MYH13: variants seen among roughly 807,000 people sequenced by gnomAD.
MYH13 encodes the protein myosin-13.
Under a neutral mutation model 232.1 loss-of-function variants are expected in MYH13, and 177 were observed. The observed-to-expected ratio is 0.76, with a 90% CI of 0.67 to 0.86. The LOEUF is 0.86. Ranked by LOEUF, MYH13 falls within the 40% of genes least tolerant of loss-of-function variation. The probability of loss-of-function intolerance (pLI) is 0.00; values close to 1 mark genes in which losing one functional copy is unlikely to be tolerated. For synonymous variants in MYH13, 884 were observed against 923.5 expected (o/e 0.96, Z 0.78); for missense variants, 2,246 against 2,405.9 (o/e 0.93, Z 1.39).
At chr17:10,368,910 A>G (rs942075860) in intron 2 of MYH13, among the ~76,000 whole-genome samples, 1 of 152,202 alleles carries the variant, frequency 6.6e-6, no homozygotes, top group Non-Finnish European at 1.5e-5. Flanking sequence ...CATAATCTCT[A>G]TGGCTGGGAC....
At chr17:10,371,621 T>A (rs574550430) in intron 1 of MYH13, among the ~76,000 whole-genome samples, 3 of 152,228 alleles carry the variant, frequency 2.0e-5, no homozygotes, top group Non-Finnish European at 4.4e-5. Flanking sequence ...TGAACAGGAT[T>A]AAGACAAATT....
chr17:10,324,397 T>C lies in MYH13; in HGVS notation c.2692-133A>G, dbSNP rs190957837. 34 of 1,022,822 alleles carry C rather than the reference T, an allele frequency of 3.3e-5. No individual in the cohort carries two copies. The East Asian group carries it at 8.0e-4, about 24-fold the overall frequency. 63.4% of individuals were successfully genotyped at this position (1,022,822 alleles called of 1,614,324 possible). A position where few individuals can be genotyped will look rare whatever the true frequency, so the allele number is the denominator to read the frequency against. On this transcript the variant is annotated intron_variant, in intron 22 of 40. Coordinates refer to ENST00000252172, the MANE Select transcript of MYH13 (RefSeq NM_003802.3). ...GGTCATGCACACACATGCACGCACATGTGCACACACTGCACACACACGTGT... is the reference window on the plus strand; with the variant it reads ...GGTCATGCACACACATGCACGCACACGTGCACACACTGCACACACACGTGT...
At position 10,306,539 on chromosome 17, in the gene MYH13, C is replaced by T; in HGVS notation, c.5386G>A (p.Asp1796Asn). 1.2e-6 allele frequency: 2 copies of T among 1,614,110 alleles called. No homozygotes were observed. The highest frequency in any genetic ancestry group is 8.5e-7 in the Non-Finnish European group (1 of 1,180,012). Residue 1796 changes from aspartate to asparagine, a missense_variant, in exon 37 of 41, where the codon GAC becomes AAC. Physicochemically the swap from Asp to Asn is conservative, Grantham distance 23. Coordinates refer to ENST00000252172, the MANE Select transcript of MYH13 (RefSeq NM_003802.3). This position sits in a 1 kb window ranked among gnomAD's most constrained non-coding sequence, Gnocchi z 4.3. Reference protein sequence around the residue: ...MKKNLEQTVKDLQHRLDEAEQ... With the variant: ...MKKNLEQTVKNLQHRLDEAEQ... ...GCCTCATCTAGACGGTGCTGCAGGT[C>T]CTTCACCGTCTGCTCCAGGTTCTTC...
chr17:10,360,109 A>G, intron 6 of MYH13, 38 bp from the exon 7 acceptor site: 1 of 1,614,010 alleles, frequency 6.2e-7, no homozygotes, highest in Non-Finnish European at 8.5e-7. Context: ...AGGAGAGTGG[A>G]AGGGAGGGCA....
At position 10,306,082 on chromosome 17, in the gene MYH13, A is replaced by G. The variant is rs1401022545; in HGVS notation, c.5466+377T>C. 6.6e-6 allele frequency among the ~76,000 whole-genome samples: 1 copy of G among 152,192 alleles called. No individual in the cohort carries two copies. The highest frequency in any genetic ancestry group is 1.5e-5 in the Non-Finnish European group (1 of 68,038). On this transcript the variant is annotated intron_variant, in intron 37 of 40. Coordinates refer to ENST00000252172, the MANE Select transcript of MYH13 (RefSeq NM_003802.3). The surrounding 1 kb of genome is among the most constrained non-coding windows in gnomAD (Gnocchi z 4.3). ...AAAATGTAAATGCATCAAAATGAGT[A>G]ATTTTATGACTGTAGAGTATATGTT...
At chr17:10,325,580 G>A (rs769947190) in intron 22 of MYH13, among the ~76,000 whole-genome samples, 1 of 152,204 alleles carries the variant, frequency 6.6e-6, no homozygotes, top group Non-Finnish European at 1.5e-5. Context: ...GAATACATAT[G>A]TCCCAGAAGA....
At chr17:10,320,594 G>T in intron 24 of MYH13, 98 bp from the exon 25 acceptor site, 5 of 1,355,598 alleles carry the variant, frequency 3.7e-6, no homozygotes, top group Non-Finnish European at 5.0e-6. Context: ...GCTTCCTGGG[G>T]CTCCTGTAGG....
chr17:10,360,332 T>C lies in MYH13; in HGVS notation c.506-144A>G, dbSNP rs903864255. ...ACTGGTATGATTTGGGCATGTCTAATCTTCTTTGGGACAATTTAGGCAGAT... is the reference window on the plus strand; with the variant it reads ...ACTGGTATGATTTGGGCATGTCTAACCTTCTTTGGGACAATTTAGGCAGAT... On this transcript the variant is annotated intron_variant, in intron 5 of 40. Transcript: ENST00000252172. 3.0e-6 allele frequency: 3 copies of C among 999,198 alleles called. No homozygotes were observed. In the African/African-American group the frequency reaches 4.8e-5, roughly 16 times the overall value. 61.9% of individuals were successfully genotyped at this position (999,198 alleles called of 1,614,324 possible). A position where few individuals can be genotyped will look rare whatever the true frequency, so the allele number is the denominator to read the frequency against.
At chr17:10,339,520 G>T (rs2142254288) in intron 18 of MYH13, among the ~76,000 whole-genome samples, 1 of 152,312 alleles carries the variant, frequency 6.6e-6, no homozygotes, top group African/African-American at 2.4e-5. Context: ...AGTTGTTATT[G>T]ATGCTATTTT....
chr17:10,318,444 T>TA (rs1906795052), intron 27 of MYH13, among the ~76,000 whole-genome samples: 1 of 152,154 alleles, frequency 6.6e-6, no homozygotes, highest in Non-Finnish European at 1.5e-5. Context: ...TCACCCCTTC[T>TA]ACCACATGAG....
intron 32 of MYH13, among the ~76,000 whole-genome samples, 167 bp from the exon 33 acceptor site, chr17:10,311,394 C>A (rs1432730648): frequency 6.6e-6 from 1 of 152,166 alleles, no homozygotes; most frequent in East Asian, 1.9e-4. Context: ...TGTGTTGCCT[C>A]ACCTGCACTA....
In MYH13 at chr17:10,306,612, C is replaced by G; in HGVS notation, c.5313G>C (p.Glu1771Asp). Reference sequence around the variant, plus strand: ...TGGTGTCCTGTTCCTTCTTTAGCTCCTCAGCCATCATGGCAGCCTGGTTAA... The same window carrying G: ...TGGTGTCCTGTTCCTTCTTTAGCTCGTCAGCCATCATGGCAGCCTGGTTAA... ...KAITDAAMMA[E>D]ELKKEQDTSA... The change falls in exon 37 of 41, where the codon GAG (glutamate) becomes GAC (aspartate). Residue 1771 changes from glutamate to aspartate, a missense_variant. Coordinates refer to ENST00000252172, the MANE Select transcript of MYH13 (RefSeq NM_003802.3). The surrounding 1 kb of genome is among the most constrained non-coding windows in gnomAD (Gnocchi z 4.3). The G allele has an allele frequency of 6.2e-7, 1 of 1,614,100 alleles. No individual in the cohort carries two copies. Among genetic ancestry groups the G allele is most frequent in the Non-Finnish European group, 8.5e-7 (1 of 1,180,042 alleles).
chr17:10,324,251 AGAT>A lies in MYH13; in HGVS notation c.2702_2704del (p.Asn901_Leu902delinsMet). 2 of 1,613,262 alleles carry A rather than the reference AGAT, an allele frequency of 1.2e-6. No individual in the cohort carries two copies. Among genetic ancestry groups the A allele is most frequent in the East Asian group, 4.5e-5 (2 of 44,868 alleles). On this transcript the variant is annotated inframe_deletion, in exon 23 of 41. Coordinates refer to ENST00000252172, the MANE Select transcript of MYH13 (RefSeq NM_003802.3). ...TTCACACCGTTCCTCAGCGTCCATC[AGAT>A]TTTCTGTTTCCTGAAAGAACCAGGT...
rs781556558 is a variant in MYH13 at position 10,333,156 on chromosome 17, G to A, written c.2092C>T (p.Arg698Cys). Residue 698 changes from arginine to cysteine, a missense_variant, in exon 19 of 41, where the codon CGC becomes TGC. Transcript: ENST00000252172. ...ATGCCCTCGAGGACCCCGTTACAGCGCAGCTGGTGCATGACCAAGTAGTGG... is the reference window on the plus strand; with the variant it reads ...ATGCCCTCGAGGACCCCGTTACAGCACAGCTGGTGCATGACCAAGTAGTGG... ...MDHYLVMHQL[R>C]CNGVLEGIRI... 17 of 1,551,628 alleles carry A rather than the reference G, an allele frequency of 1.1e-5. No homozygotes were observed. The highest frequency in any genetic ancestry group is 2.0e-5 in the Admixed American group (1 of 51,022).
At position 10,319,065 on chromosome 17, in the gene MYH13, C is replaced by T. The variant is rs778124612; in HGVS notation, c.3463G>A (p.Glu1155Lys). ...RELEEISERLEEASGATSAQI... is the reference protein window; with the variant it reads ...RELEEISERLKEASGATSAQI... The stretch of plus-strand genomic sequence containing the variant: ...GCTGAAGTGGCCCCACTGGCTTCTT[C>T]CAGCCTCTCGCTGATCTCCTCCAGT... Residue 1155 changes from glutamate to lysine, a missense_variant, in exon 27 of 41, where the codon GAA becomes AAA. By Grantham distance (56) the Glu-to-Lys change is moderately conservative. Coordinates refer to ENST00000252172, the MANE Select transcript of MYH13 (RefSeq NM_003802.3). 15 of 1,614,186 alleles carry T rather than the reference C, an allele frequency of 9.3e-6. No individual in the cohort carries two copies. The highest frequency in any genetic ancestry group is 1.3e-5 in the Non-Finnish European group (15 of 1,180,048).
At chr17:10,318,240 T>G (rs1249026759) in intron 27 of MYH13, among the ~76,000 whole-genome samples, 3 of 152,162 alleles carry the variant, frequency 2.0e-5, no homozygotes, top group African/African-American at 7.2e-5. Flanking sequence ...GAAACAGTGG[T>G]GCCAGATCAT....
chr17:10,348,872 T>G (rs2071687951), intron 12 of MYH13, among the ~76,000 whole-genome samples: 1 of 152,110 alleles, frequency 6.6e-6, no homozygotes, highest in Non-Finnish European at 1.5e-5. Context: ...ATTGTTACTT[T>G]AAAATTCTCA....
chr17:10,303,541 C>T (rs1906178732), intron 37 of MYH13, 43 bp from the exon 38 acceptor site: 8 of 1,558,608 alleles, frequency 5.1e-6, no homozygotes, highest in Non-Finnish European at 7.1e-6. Context: ...TCTCCTCTCC[C>T]AGGCTTCTCT....
At position 10,345,217 on chromosome 17, in the gene MYH13, G is replaced by C; in HGVS notation, c.1569C>G (p.Ile523Met). The C allele has an allele frequency of 6.2e-7, 1 of 1,614,088 alleles. No homozygotes were observed. Among genetic ancestry groups the C allele is most frequent in the Non-Finnish European group, 8.5e-7 (1 of 1,179,984 alleles). The change falls in exon 15 of 41, where the codon ATC becomes ATG. Residue 523 changes from isoleucine to methionine, a missense_variant. Ile to Met is a conservative substitution (Grantham distance 10, BLOSUM62 1). Coordinates refer to ENST00000252172, the MANE Select transcript of MYH13 (RefSeq NM_003802.3). ...IDFGMDLAAC[I>M]ELIEKPMGIF... ...ATCTCTCTACCTTCTCGATGAGCTC[G>C]ATGCAGGCAGCCAGGTCCATTCCGA...
Sources: allele counts gnomAD v4.1 joint callset (sites outside exome capture counted in the v4.1 genomes callset), GRCh38; gene constraint gnomAD v4.1.1; non-coding constraint Gnocchi (gnomAD v3.1); transcripts MANE v1.5; gene names NCBI Gene and HGNC (gene_info 2026-07-23, HGNC 2026-07-21).